BCAS3: variants seen among roughly 807,000 people sequenced by gnomAD.
BCAS3 encodes the protein BCAS3 microtubule associated cell migration factor.
A neutral mutation model predicts 116.1 loss-of-function variants in BCAS3; 53 were observed. The ratio of observed to expected loss-of-function variants is 0.46; its 90% confidence interval spans 0.37 to 0.57. BCAS3 has a LOEUF of 0.57. BCAS3 is among the 20% of genes least tolerant of loss of function. The pLI, the probability that BCAS3 is intolerant of heterozygous loss-of-function variation, is 0.00. For missense variants in BCAS3, 917 were observed against 1,165.4 expected, an observed-to-expected ratio of 0.79 and a Z score of 3.10; for synonymous variants, 391 against 408.2, an observed-to-expected ratio of 0.96 and a Z score of 0.51.
At chr17:61,003,672 A>G (rs1197755149) in intron 15 of BCAS3, 1 of 152,200 alleles carries the variant, frequency 6.6e-6, no homozygotes, top group Non-Finnish European at 1.5e-5. Flanking sequence ...CCTAGACTCC[A>G]TCAGACTGAT....
intron 22 of BCAS3, among the ~76,000 whole-genome samples, chr17:61,314,376 A>G (rs1211827899): frequency 6.6e-6 from 1 of 152,212 alleles, no homozygotes; most frequent in Non-Finnish European, 1.5e-5. Flanking sequence ...ACAAGTACAG[A>G]TGCCAGAAAG....
chr17:61,068,910 G>A lies in BCAS3; in HGVS notation c.2030-6010G>A, dbSNP rs1461179708. ...AACAGGTATGTCATTCCTTCCCAAG[G>A]TAGTAAACATAGAATGTTCTTCCTA... On this transcript the variant is annotated intron_variant, in intron 19 of 23. Transcript: ENST00000407086. This position sits in a 1 kb window ranked among gnomAD's most constrained non-coding sequence, Gnocchi z 4.3. 1.3e-5 allele frequency among the ~76,000 whole-genome samples: 2 copies of A among 152,076 alleles called. No individual in the cohort carries two copies. The highest frequency in any genetic ancestry group is 1.9e-4 in the East Asian group (1 of 5,198).
chr17:60,748,053 A>G (rs1279259368), intron 6 of BCAS3, among the ~76,000 whole-genome samples: 1 of 152,082 alleles, frequency 6.6e-6, no homozygotes. Flanking sequence ...AATCATAATA[A>G]TCATGTTTGG....
chr17:60,882,540 G>A (rs1421054913), intron 9 of BCAS3, among the ~76,000 whole-genome samples: 1 of 152,202 alleles, frequency 6.6e-6, no homozygotes, highest in African/African-American at 2.4e-5. Context: ...GAATGGTCAT[G>A]CCTAGGTTCT....
At chr17:60,706,341 G>A (rs2037134205) in intron 4 of BCAS3, among the ~76,000 whole-genome samples, 1 of 152,100 alleles carries the variant, frequency 6.6e-6, no homozygotes, top group Non-Finnish European at 1.5e-5. Context: ...TGGGATTACA[G>A]GCCTGAGCTA....
rs925186081 is a variant in BCAS3, at chr17:60,868,562, T to G, written c.477-14T>G. 2 of 1,509,490 alleles carry G rather than the reference T, an allele frequency of 1.3e-6. No individual in the cohort carries two copies. Among genetic ancestry groups the G allele is most frequent in the Non-Finnish European group, 8.9e-7 (1 of 1,129,330 alleles). The allele number at this position is 1,509,490 out of a possible 1,614,324, so 93.5% of individuals were successfully genotyped here. On this transcript the variant is annotated splice_polypyrimidine_tract_variant and intron_variant, in intron 7 of 23. Transcript: ENST00000407086. ...TTAAAAAAATGACATTTTTCTTTCTTTTTTCTTTTTTAGCACAAGCCCACC... is the reference window on the plus strand; with the variant it reads ...TTAAAAAAATGACATTTTTCTTTCTGTTTTCTTTTTTAGCACAAGCCCACC...
chr17:61,005,306 A>G (rs1466512282), intron 15 of BCAS3, among the ~76,000 whole-genome samples: 25 of 151,826 alleles, frequency 1.6e-4, no homozygotes, highest in Admixed American at 1.6e-3. Context: ...TTTTTGGTAA[A>G]CTGTTCCACA....
rs1490958307 is a variant in BCAS3, at chr17:61,366,984, C to T, written c.2426-1343C>T. 2.6e-5 allele frequency among the ~76,000 whole-genome samples: 4 copies of T among 152,200 alleles called. 1 individual carries two copies. The highest frequency in any genetic ancestry group is 4.8e-5 in the African/African-American group (2 of 41,438). On this transcript the variant is annotated intron_variant, in intron 22 of 23. Transcript: ENST00000407086. The surrounding 1 kb of genome is among the most constrained non-coding windows in gnomAD (Gnocchi z 4.5). ...TCGGAGTGTTTACTAACGGTTATCA[C>T]CTCAATGCTGTGGCCATTATCAGAG... is the stretch of plus-strand genomic sequence containing the variant.
At chr17:61,015,615 A>G (rs2065402284) in intron 15 of BCAS3, 136 bp from the exon 16 acceptor site, 3 of 869,268 alleles carry the variant, frequency 3.5e-6, no homozygotes, top group Non-Finnish European at 3.6e-6. Context: ...CATAATTGTA[A>G]TTCTCTTGGC....
At chr17:61,067,521 A>T (rs74640382) in intron 19 of BCAS3, among the ~76,000 whole-genome samples, 6,361 of 148,992 alleles carry the variant, frequency 0.043, 451 homozygotes, top group African/African-American at 0.15. Context: ...GATCGAGACC[A>T]TCCTGGCCAA....
At chr17:60,887,732 G>T (rs981000819) in intron 9 of BCAS3, among the ~76,000 whole-genome samples, 4 of 152,132 alleles carry the variant, frequency 2.6e-5, no homozygotes, top group Non-Finnish European at 5.9e-5. Flanking sequence ...GAGAAATAAG[G>T]CAAAGTATCA....
intron 22 of BCAS3, among the ~76,000 whole-genome samples, chr17:61,267,949 C>T (rs1033073256): frequency 2.1e-4 from 32 of 152,198 alleles, no homozygotes; most frequent in African/African-American, 7.2e-4. Context: ...ATACTCACCC[C>T]TCCCCGAGAA....
chr17:60,794,763 G>A (rs1388506708), intron 6 of BCAS3, among the ~76,000 whole-genome samples: 3 of 152,140 alleles, frequency 2.0e-5, no homozygotes, highest in Non-Finnish European at 4.4e-5. Flanking sequence ...ATTGGTCTAT[G>A]TACCTATTTT....
At chr17:60,713,235 G>A (rs560423877) in intron 5 of BCAS3, among the ~76,000 whole-genome samples, 18 of 152,250 alleles carry the variant, frequency 1.2e-4, no homozygotes, top group African/African-American at 4.1e-4. Context: ...GCCAGAATTT[G>A]GAATATCGTT....
At position 61,023,492 on chromosome 17, in the gene BCAS3, C is replaced by T. The variant is rs2066014142; in HGVS notation, c.1637+7591C>T. Among the ~76,000 whole-genome samples, 1 of 152,124 alleles carries T rather than the reference C, an allele frequency of 6.6e-6. No individual in the cohort carries two copies. The highest frequency in any genetic ancestry group is 2.4e-5 in the African/African-American group (1 of 41,418). ...GATTGAACAGAATTGTTACTAATAC[C>T]TTTTAGCACTAGAGTCAGATTATAG... is the stretch of plus-strand genomic sequence containing the variant. On this transcript the variant is annotated intron_variant, in intron 16 of 23. Transcript: ENST00000407086. This position sits in a 1 kb window ranked among gnomAD's most constrained non-coding sequence, Gnocchi z 4.8.
intron 19 of BCAS3, among the ~76,000 whole-genome samples, chr17:61,049,011 G>C (rs1373124186): frequency 2.6e-5 from 4 of 152,014 alleles, no homozygotes; most frequent in African/African-American, 7.2e-5. Context: ...CATTGCATAA[G>C]ACTGAAGATA....
At chr17:60,773,980 A>G (rs1412772643) in intron 6 of BCAS3, among the ~76,000 whole-genome samples, 2 of 152,170 alleles carry the variant, frequency 1.3e-5, no homozygotes, top group African/African-American at 2.4e-5. Flanking sequence ...TTTAGATAAT[A>G]GTCCTTTATC....
At chr17:61,048,717 A>G (rs1331066907) in intron 19 of BCAS3, among the ~76,000 whole-genome samples, 1 of 151,666 alleles carries the variant, frequency 6.6e-6, no homozygotes, top group East Asian at 1.9e-4. Context: ...GTTGGATGGG[A>G]TATCAGGGGA....
At chr17:60,723,950 G>T (rs1475142305) in intron 5 of BCAS3, among the ~76,000 whole-genome samples, 1 of 150,634 alleles carries the variant, frequency 6.6e-6, no homozygotes, top group Non-Finnish European at 1.5e-5. Context: ...TTGAACTCCT[G>T]ATCTTGTGAT....
Sources: allele counts gnomAD v4.1 joint callset (sites outside exome capture counted in the v4.1 genomes callset), GRCh38; gene constraint gnomAD v4.1.1; non-coding constraint Gnocchi (gnomAD v3.1); transcripts MANE v1.5; gene names NCBI Gene and HGNC (gene_info 2026-07-23, HGNC 2026-07-21).